KDM7A: variants seen among roughly 807,000 people sequenced by gnomAD.
KDM7A encodes lysine-specific demethylase 7A.
KDM7A carries 28 observed loss-of-function variants against 114.8 expected under a neutral mutation model. The ratio of observed to expected loss-of-function variants is 0.24; its 90% CI spans 0.18 to 0.33. The LOEUF (loss-of-function observed/expected upper bound fraction) is 0.33, where lower values mean the gene tolerates loss of function less well. Ranked by LOEUF, KDM7A falls within the 10% of genes least tolerant of loss-of-function variation. The pLI is 1.00. For missense variants in KDM7A, 942 were observed against 1,142.5 expected, an observed-to-expected ratio of 0.82 and a Z score of 2.53; for synonymous variants, 423 against 397.8, an observed-to-expected ratio of 1.06 and a Z score of -0.75.
At chr7:140,149,665 T>C (rs1794377480) in intron 1 of KDM7A, among the ~76,000 whole-genome samples, 1 of 152,214 alleles carries the variant, frequency 6.6e-6, no homozygotes. Context: ...GTGCCCAGTA[T>C]ATCTGCTATT....
intron 3 of KDM7A, among the ~76,000 whole-genome samples, chr7:140,131,133 C>T (rs776538084): frequency 1.3e-5 from 2 of 152,104 alleles, no homozygotes; most frequent in Non-Finnish European, 2.9e-5. Flanking sequence ...TCCCAAAGTG[C>T]TGGGATTACA....
rs754658519 is a variant in KDM7A, at chr7:140,090,823, T to TA, written c.*270dup. 2.5e-4 allele frequency: 99 copies of TA among 396,036 alleles called. No individual in the cohort carries two copies. The highest frequency in any genetic ancestry group is 4.2e-4 in the Non-Finnish European group (93 of 221,850). 24.5% of individuals were successfully genotyped at this position (396,036 alleles called of 1,614,324 possible). ...CATCAAGACACTACCAACAACAAAATAAAATTCAAGCCCTGACAAGAGACC... is the reference window on the plus strand; with the variant it reads ...CATCAAGACACTACCAACAACAAAATAAAAATTCAAGCCCTGACAAGAGACC... On this transcript the variant is annotated 3_prime_UTR_variant, in exon 20 of 20. Coordinates refer to ENST00000397560, the MANE Select transcript of KDM7A (RefSeq NM_030647.2).
intron 1 of KDM7A, among the ~76,000 whole-genome samples, chr7:140,141,952 G>A (rs1336958619): frequency 6.7e-6 from 1 of 148,732 alleles, no homozygotes. Context: ...ACATATTTAT[G>A]TAAAATATAT....
chr7:140,100,665 T>C (rs1818186884), intron 12 of KDM7A, among the ~76,000 whole-genome samples: 1 of 40,660 alleles, frequency 2.5e-5, no homozygotes, highest in Non-Finnish European at 4.9e-5. Flanking sequence ...AAAAGTTATA[T>C]ATATATATAT....
At chr7:140,102,459 C>T (rs142955081) in intron 11 of KDM7A, among the ~76,000 whole-genome samples, 138 of 151,982 alleles carry the variant, frequency 9.1e-4, no homozygotes, top group African/African-American at 3.1e-3. Context: ...CTTGCCTCAC[C>T]GCAATCTCCA....
At chr7:140,133,706 T>C in intron 2 of KDM7A, 50 bp from the exon 3 acceptor site, 2 of 970,414 alleles carry the variant, frequency 2.1e-6, no homozygotes, top group Non-Finnish European at 3.3e-6. Flanking sequence ...CTGGTGATAC[T>C]ATGTGATTTC....
chr7:140,100,752 T>TG (rs1415869506), intron 12 of KDM7A, among the ~76,000 whole-genome samples: 118 of 57,548 alleles, frequency 2.1e-3, no homozygotes, highest in Non-Finnish European at 2.8e-3. Flanking sequence ...ACATATATAT[T>TG]TTTTTGTTTG....
chr7:140,117,712 ACT>A (rs1430824950), intron 9 of KDM7A, among the ~76,000 whole-genome samples: 1 of 152,160 alleles, frequency 6.6e-6, no homozygotes, highest in South Asian at 2.1e-4. Flanking sequence ...GAGACTATAA[ACT>A]CTATTGTCCA....
chr7:140,148,220 G>GAAA (rs35363572), intron 1 of KDM7A, among the ~76,000 whole-genome samples: 1 of 118,426 alleles, frequency 8.4e-6, no homozygotes. Flanking sequence ...TATGCTTCAA[G>GAAA]AAAAAAAAAA....
In KDM7A at chr7:140,090,183, C is replaced by T. The variant is rs879192651; in HGVS notation, c.*911G>A. 6.6e-6 allele frequency: 1 copy of T among 152,120 alleles called. No individual in the cohort carries two copies. Among genetic ancestry groups the T allele is most frequent in the African/African-American group, 2.4e-5 (1 of 41,408 alleles). 9.4% of individuals were successfully genotyped at this position (152,120 alleles called of 1,614,324 possible). On this transcript the variant is annotated 3_prime_UTR_variant, in exon 20 of 20. Transcript: ENST00000397560. ...AAGTAGGAAAAATATATTAAAGCTG[C>T]TCTCTTTGGGACCCAGATATCATCA...
chr7:140,159,636 AC>A (rs918817450), intron 1 of KDM7A, among the ~76,000 whole-genome samples: 17 of 152,178 alleles, frequency 1.1e-4, no homozygotes, highest in Non-Finnish European at 2.2e-4. Flanking sequence ...TCATCAATTC[AC>A]CCAATCTTGC....
intron 1 of KDM7A, among the ~76,000 whole-genome samples, chr7:140,172,906 T>G (rs1264400003): frequency 6.6e-6 from 1 of 152,150 alleles, no homozygotes; most frequent in Admixed American, 6.5e-5. Flanking sequence ...CTGGAAGACA[T>G]GCGTACTTTC....
intron 11 of KDM7A, among the ~76,000 whole-genome samples, chr7:140,109,446 T>G (rs1226771085): frequency 1.3e-5 from 2 of 152,236 alleles, no homozygotes; most frequent in Admixed American, 1.3e-4. Flanking sequence ...AGTATTCCAC[T>G]GTGAGTATGT....
At chr7:140,151,003 G>C (rs1794394218) in intron 1 of KDM7A, among the ~76,000 whole-genome samples, 2 of 151,214 alleles carry the variant, frequency 1.3e-5, no homozygotes, top group Non-Finnish European at 2.9e-5. Context: ...CTAATTTTTT[G>C]TATTTTTAGT....
intron 10 of KDM7A, among the ~76,000 whole-genome samples, chr7:140,113,194 T>C (rs995309823): frequency 1.3e-5 from 2 of 152,228 alleles, no homozygotes; most frequent in Non-Finnish European, 2.9e-5. Context: ...CAGCACACTA[T>C]AGCACAACTG....
At chr7:140,112,125 G>T (rs1818443617) in intron 10 of KDM7A, among the ~76,000 whole-genome samples, 1 of 152,126 alleles carries the variant, frequency 6.6e-6, no homozygotes, top group Non-Finnish European at 1.5e-5. Context: ...TAGACAATAA[G>T]GTCTTTCACA....
At chr7:140,127,120 C>T (rs1818718156) in intron 5 of KDM7A, among the ~76,000 whole-genome samples, 1 of 152,164 alleles carries the variant, frequency 6.6e-6, no homozygotes, top group Non-Finnish European at 1.5e-5. Context: ...GCCACCATGC[C>T]CAGCTGATTT....
chr7:140,163,291 G>C (rs979318256), intron 1 of KDM7A, among the ~76,000 whole-genome samples: 1 of 150,808 alleles, frequency 6.6e-6, no homozygotes, highest in African/African-American at 2.4e-5. Flanking sequence ...ACCATGCCTG[G>C]CACCAGGTCT....
At chr7:140,129,741 C>T in intron 3 of KDM7A, 88 bp from the exon 4 acceptor site, 1 of 747,746 alleles carries the variant, frequency 1.3e-6, no homozygotes, top group South Asian at 1.6e-5. Context: ...AATTCATATA[C>T]TGGATTATCT....
Sources: gnomAD v4.1 joint callset for allele counts (sites outside exome capture counted in the v4.1 genomes callset) on GRCh38, gnomAD v4.1.1 for gene constraint, MANE v1.5 for transcripts, NCBI Gene and HGNC (gene_info 2026-07-23, HGNC 2026-07-21) for gene names.